Variants in NDST4 observed in about 807,000 individuals in gnomAD.
The protein encoded by NDST4 is N-deacetylase and N-sulfotransferase 4, also known as N-heparan sulfate sulfotransferase 4.
A neutral mutation model predicts 100.8 loss-of-function variants in NDST4; 63 were observed. That is an observed-to-expected ratio of 0.62 (90% CI 0.51 to 0.77). The LOEUF is 0.77. Among genes scored for constraint, NDST4 ranks in the 30% least tolerant of loss-of-function variants. The pLI, the probability that NDST4 is intolerant of heterozygous loss-of-function variation, is 0.00. For missense variants in NDST4, 943 were observed against 1,018.4 expected (o/e 0.93, Z 1.01); for synonymous variants, 377 against 361.8 (o/e 1.04, Z -0.48).
chr4:114,968,525 T>C (rs1040243978), intron 4 of NDST4, among the ~76,000 whole-genome samples: 1 of 152,146 alleles, frequency 6.6e-6, no homozygotes, highest in African/African-American at 2.4e-5. Context: ...GAGATAAAAA[T>C]ATTTTAGGCT....
chr4:114,841,107 CTG>C (rs59620077), intron 10 of NDST4, among the ~76,000 whole-genome samples: 13,884 of 152,142 alleles, frequency 0.091, 976 homozygotes, highest in African/African-American at 0.18. Context: ...TAATATGAAA[CTG>C]TGCTTAATCT....
At chr4:115,022,728 G>A (rs528748934) in intron 2 of NDST4, among the ~76,000 whole-genome samples, 49 of 152,188 alleles carry the variant, frequency 3.2e-4, no homozygotes, top group African/African-American at 1.0e-3. Flanking sequence ...AGTGGGAGGT[G>A]ATTGAATTAT....
At chr4:114,837,647 C>T (rs909505274) in intron 11 of NDST4, among the ~76,000 whole-genome samples, 1 of 152,132 alleles carries the variant, frequency 6.6e-6, no homozygotes, top group Non-Finnish European at 1.5e-5. Context: ...AAACTGGACC[C>T]CTTCCTTACA....
At chr4:115,052,708 T>C (rs1347258775) in intron 2 of NDST4, among the ~76,000 whole-genome samples, 1 of 152,168 alleles carries the variant, frequency 6.6e-6, no homozygotes, top group African/African-American at 2.4e-5. Flanking sequence ...CTCTTTCCTT[T>C]GTAAATTACT....
chr4:114,886,204 A>T (rs540556020), intron 6 of NDST4, among the ~76,000 whole-genome samples: 1 of 152,152 alleles, frequency 6.6e-6, no homozygotes, highest in Non-Finnish European at 1.5e-5. Context: ...GGTCATTGGC[A>T]GACAGTTTTT....
intron 7 of NDST4, among the ~76,000 whole-genome samples, chr4:114,855,366 G>A (rs1723770767): frequency 6.6e-6 from 1 of 152,144 alleles, no homozygotes; most frequent in Non-Finnish European, 1.5e-5. Context: ...ATGTCTTGGG[G>A]AGTTTCTCCA....
chr4:114,956,296 TC>T (rs989996847), intron 4 of NDST4, among the ~76,000 whole-genome samples: 5 of 152,122 alleles, frequency 3.3e-5, no homozygotes, highest in African/African-American at 1.2e-4. Context: ...GAGGCAGGTC[TC>T]AAGAAGAGAG....
intron 6 of NDST4, among the ~76,000 whole-genome samples, chr4:114,898,379 C>G (rs1724762427): frequency 6.6e-6 from 1 of 152,034 alleles, no homozygotes; most frequent in South Asian, 2.1e-4. Flanking sequence ...ATGAATGTCT[C>G]TTTCTGGATT....
chr4:114,905,409 C>T (rs1724927533), intron 6 of NDST4, among the ~76,000 whole-genome samples: 1 of 151,572 alleles, frequency 6.6e-6, no homozygotes, highest in African/African-American at 2.4e-5. Flanking sequence ...TTTTTTAATC[C>T]ACACAATTTT....
rs373062432 is a variant in NDST4 at position 114,924,435 on chromosome 4, A to G, written c.1536+10771T>C. Among the ~76,000 whole-genome samples, 915 of 123,640 alleles carry G rather than the reference A, an allele frequency of 7.4e-3. 71 individuals carry two copies. In the South Asian group the frequency reaches 0.18, roughly 24 times the overall value. 81.1% of individuals were successfully genotyped at this position (123,640 alleles called of 152,430 possible). On this transcript the variant is annotated intron_variant, in intron 6 of 13. Coordinates refer to ENST00000264363, the MANE Select transcript of NDST4 (RefSeq NM_022569.3). ...TAGTCCTGCAAATCTTTAAGGATAG[A>G]AAAAAAAAAAGAAGATAAAGGAAAA...
intron 2 of NDST4, among the ~76,000 whole-genome samples, chr4:114,995,401 C>T (rs888503431): frequency 6.6e-6 from 1 of 152,066 alleles, no homozygotes; most frequent in East Asian, 1.9e-4. Context: ...TCTATTTTCA[C>T]TTAGAAGTAA....
intron 6 of NDST4, among the ~76,000 whole-genome samples, chr4:114,894,602 C>G (rs571234665): frequency 6.6e-6 from 1 of 152,268 alleles, no homozygotes; most frequent in East Asian, 1.9e-4. Flanking sequence ...TATCCTGAGA[C>G]TTTGCTGAAG....
At chr4:115,100,007 G>T (rs966327472) in intron 1 of NDST4, among the ~76,000 whole-genome samples, 3 of 152,004 alleles carry the variant, frequency 2.0e-5, no homozygotes, top group Non-Finnish European at 4.4e-5. Context: ...TCAAGCCACA[G>T]AAATACATGG....
chr4:115,035,022 C>T (rs74502358), intron 2 of NDST4, among the ~76,000 whole-genome samples: 5,961 of 152,144 alleles, frequency 0.039, 424 homozygotes, highest in African/African-American at 0.14. Flanking sequence ...AAATTTCTTG[C>T]ATGTCTAATA....
chr4:115,026,790 A>C (rs965685255), intron 2 of NDST4, among the ~76,000 whole-genome samples: 11 of 152,078 alleles, frequency 7.2e-5, no homozygotes, highest in Non-Finnish European at 1.2e-4. Flanking sequence ...CTTTCAGATA[A>C]AAGAGCTACT....
At chr4:115,067,324 G>A (rs1025031357) in intron 2 of NDST4, among the ~76,000 whole-genome samples, 1 of 152,096 alleles carries the variant, frequency 6.6e-6, no homozygotes, top group African/African-American at 2.4e-5. Flanking sequence ...ATACCTCATT[G>A]AGTCTGAGGT....
rs1445486848 is a variant in NDST4, at chr4:115,010,266, G to C, written c.979-32992C>G. On this transcript the variant is annotated intron_variant, in intron 2 of 13. Coordinates refer to ENST00000264363, the MANE Select transcript of NDST4 (RefSeq NM_022569.3). ...GTTTATTGCGGCGCTATTCACAATA[G>C]CAAAGACTTGGAACCAACCCAAATG... Among the ~76,000 whole-genome samples the C allele has an allele frequency of 4.0e-5, 5 of 124,598 alleles. 1 individual carries two copies. The highest frequency in any genetic ancestry group is 1.5e-4 in the African/African-American group (5 of 32,350). 81.7% of individuals were successfully genotyped at this position (124,598 alleles called of 152,430 possible). A position where few individuals can be genotyped will look rare whatever the true frequency, so the allele number is the denominator to read the frequency against.
At chr4:114,942,806 AAC>A (rs1401305746) in intron 4 of NDST4, among the ~76,000 whole-genome samples, 4 of 151,920 alleles carry the variant, frequency 2.6e-5, no homozygotes, top group Non-Finnish European at 5.9e-5. Flanking sequence ...GATTTTAAAT[AAC>A]AGTTAATAAG....
intron 2 of NDST4, among the ~76,000 whole-genome samples, chr4:115,062,709 GAAAT>G (rs1728850935): frequency 6.6e-6 from 1 of 151,206 alleles, no homozygotes; most frequent in African/African-American, 2.4e-5. Flanking sequence ...ACATAAAAAA[GAAAT>G]AGTCATTAAA....
Sources: gnomAD v4.1 joint callset for allele counts (sites outside exome capture counted in the v4.1 genomes callset) on GRCh38, gnomAD v4.1.1 for gene constraint, MANE v1.5 for transcripts, NCBI Gene and HGNC (gene_info 2026-07-23, HGNC 2026-07-21) for gene names.